RP1: variants seen among roughly 807,000 people sequenced by gnomAD.
The protein encoded by RP1 is RP1 axonemal microtubule associated, also known as oxygen-regulated protein 1.
Under a neutral mutation model 14.8 loss-of-function variants are expected in RP1, and 16 were observed. The observed-to-expected ratio is 1.08, with a 90% confidence interval of 0.73 to 1.65. The LOEUF (loss-of-function observed/expected upper bound fraction) is 1.65, where lower values mean the gene tolerates loss of function less well. Ranked by LOEUF, RP1 falls within the 40% of genes most tolerant of loss-of-function variation. The pLI is 0.00. For missense variants in RP1, 2,631 were observed against 2,535.0 expected (o/e 1.04, Z -0.81); for synonymous variants, 876 against 883.6 (o/e 0.99, Z 0.15).
chr8:54,787,264 C>T (rs721594), intron 24 of RP1, among the ~76,000 whole-genome samples: 111 of 152,174 alleles, frequency 7.3e-4, no homozygotes, highest in African/African-American at 2.3e-3. Flanking sequence ...ATGTCCATTA[C>T]GGCAGAAAGT....
chr8:54,640,042 T>C (rs1217130589), intron 3 of RP1, among the ~76,000 whole-genome samples: 1 of 152,108 alleles, frequency 6.6e-6, no homozygotes, highest in Non-Finnish European at 1.5e-5. Context: ...GACAAGATTT[T>C]CTCCTGTGTT....
chr8:54,669,689 C>A (rs971436834), intron 7 of RP1, among the ~76,000 whole-genome samples: 1 of 152,098 alleles, frequency 6.6e-6, no homozygotes, highest in Non-Finnish European at 1.5e-5. Context: ...ATGGAATACT[C>A]TGCAGCCATA....
At chr8:54,862,905 T>C (rs1812377057) in intron 27 of RP1, among the ~76,000 whole-genome samples, 1 of 152,108 alleles carries the variant, frequency 6.6e-6, no homozygotes, top group Non-Finnish European at 1.5e-5. Flanking sequence ...GCACTGTATC[T>C]TCTCTAGTTA....
intron 7 of RP1, among the ~76,000 whole-genome samples, chr8:54,665,568 A>C (rs1297535715): frequency 6.6e-6 from 1 of 152,178 alleles, no homozygotes; most frequent in Non-Finnish European, 1.5e-5. Context: ...GCTGGAGTTT[A>C]TCTCTCACTC....
intron 6 of RP1, among the ~76,000 whole-genome samples, chr8:54,663,342 G>A (rs908205845): frequency 2.6e-5 from 4 of 152,026 alleles, no homozygotes; most frequent in African/African-American, 7.2e-5. Flanking sequence ...TAAGTGAAAA[G>A]GTGAAAGTTA....
intron 3 of RP1, among the ~76,000 whole-genome samples, chr8:54,644,883 C>T (rs1415520853): frequency 1.3e-5 from 2 of 152,070 alleles, no homozygotes; most frequent in Non-Finnish European, 2.9e-5. Flanking sequence ...TCCAGCAGTC[C>T]TTGGTGTTCC....
chr8:54,706,031 C>A (rs7000886), intron 14 of RP1, among the ~76,000 whole-genome samples: 4,406 of 151,950 alleles, frequency 0.029, 126 homozygotes, highest in African/African-American at 0.065. Context: ...TATTTGATAT[C>A]TTTTTACATT....
At chr8:54,687,565 G>T (rs930464973) in intron 12 of RP1, among the ~76,000 whole-genome samples, 2 of 152,004 alleles carry the variant, frequency 1.3e-5, no homozygotes, top group Admixed American at 6.6e-5. Flanking sequence ...GCGGTGTTTG[G>T]TTTTCTCTTC....
chr8:54,712,341 GA>G (rs1808310792), intron 15 of RP1, among the ~76,000 whole-genome samples: 1 of 152,174 alleles, frequency 6.6e-6, no homozygotes, highest in Non-Finnish European at 1.5e-5. Flanking sequence ...ACTGTGCCAA[GA>G]TGCCATATTT....
intron 1 of RP1, among the ~76,000 whole-genome samples, chr8:54,574,618 G>A (rs1476341225): frequency 6.6e-6 from 1 of 151,664 alleles, no homozygotes; most frequent in Non-Finnish European, 1.5e-5. Context: ...TTGGTCTGAA[G>A]ATTGTCTAAG....
At chr8:54,870,183 C>A (rs1475613956) in exon 29 of RP1, 5 of 341,684 alleles carry the variant, frequency 1.5e-5, no homozygotes, top group Non-Finnish European at 2.6e-5. Context: ...TGCTCACCTC[C>A]TCCCCCTCCT....
At chr8:54,704,619 C>T (rs1396515412) in intron 14 of RP1, among the ~76,000 whole-genome samples, 3 of 152,070 alleles carry the variant, frequency 2.0e-5, no homozygotes, top group Admixed American at 2.0e-4. Context: ...TTCTCACAAA[C>T]CTTCAATTTA....
intron 16 of RP1, among the ~76,000 whole-genome samples, chr8:54,721,610 T>G (rs1808538192): frequency 6.6e-6 from 1 of 152,340 alleles, no homozygotes; most frequent in African/African-American, 2.4e-5. Context: ...CTTAGGGTAT[T>G]AGTACTAAAA....
intron 7 of RP1, among the ~76,000 whole-genome samples, chr8:54,671,068 G>A (rs531436277): frequency 4.6e-5 from 7 of 152,112 alleles, no homozygotes; most frequent in Non-Finnish European, 8.8e-5. Context: ...ATCTGGGAAA[G>A]TCTTAATTTC....
intron 12 of RP1, among the ~76,000 whole-genome samples, chr8:54,695,674 A>G (rs755554281): frequency 6.6e-6 from 1 of 152,158 alleles, no homozygotes; most frequent in Admixed American, 6.6e-5. Flanking sequence ...TGAACAAGTC[A>G]TTTGAGAATT....
At chr8:54,671,370 A>G (rs1011660528) in intron 7 of RP1, among the ~76,000 whole-genome samples, 3 of 151,764 alleles carry the variant, frequency 2.0e-5, no homozygotes, top group Non-Finnish European at 4.4e-5. Context: ...TGTGCATTTC[A>G]CTCCTCAGAT....
chr8:54,733,983 C>T (rs1222406067), intron 17 of RP1, among the ~76,000 whole-genome samples: 1 of 152,192 alleles, frequency 6.6e-6, no homozygotes, highest in African/African-American at 2.4e-5. Flanking sequence ...TGGACAACTG[C>T]TCTGAGCACC....
At chr8:54,722,505 C>T (rs1295029161) in intron 16 of RP1, among the ~76,000 whole-genome samples, 5 of 152,012 alleles carry the variant, frequency 3.3e-5, no homozygotes, top group African/African-American at 9.7e-5. Flanking sequence ...CTCCTGACCT[C>T]GTGATCCGCC....
intron 24 of RP1, among the ~76,000 whole-genome samples, chr8:54,814,598 T>A (rs1385126494): frequency 6.6e-6 from 1 of 152,204 alleles, no homozygotes; most frequent in Non-Finnish European, 1.5e-5. Flanking sequence ...GGACATAGAA[T>A]TTAGTCTCCC....
Sources: allele counts gnomAD v4.1 joint callset (sites outside exome capture counted in the v4.1 genomes callset), GRCh38; gene constraint gnomAD v4.1.1; transcripts MANE v1.5; gene names NCBI Gene and HGNC (gene_info 2026-07-23, HGNC 2026-07-21).